The following RERE variants were observed in gnomAD, a reference collection of about 807,000 sequenced individuals.
RERE encodes the protein arginine-glutamic acid dipeptide repeats, also known as arginine-glutamic acid dipeptide repeats protein.
A neutral mutation model predicts 146.1 loss-of-function variants in RERE; 40 were observed. The ratio of observed to expected loss-of-function variants is 0.27; its 90% CI spans 0.21 to 0.36. The LOEUF is 0.36. RERE is among the 10% of genes least tolerant of loss of function. The pLI is 1.00. For synonymous variants in RERE, 1,003 were observed against 866.0 expected (o/e 1.16, Z -2.78); for missense variants, 1,933 against 2,138.7 (o/e 0.90, Z 1.90).
At chr1:8,501,652 C>T (rs1323930527) in intron 8 of RERE, among the ~76,000 whole-genome samples, 4 of 116,126 alleles carry the variant, frequency 3.4e-5, no homozygotes, top group Non-Finnish European at 3.7e-5. Context: ...CCGCCCAGTC[C>T]GGGAGGGAGG....
intron 4 of RERE, among the ~76,000 whole-genome samples, chr1:8,607,158 C>T (rs1166268532): frequency 1.3e-5 from 2 of 151,946 alleles, no homozygotes; most frequent in African/African-American, 2.4e-5. Context: ...CCCAAGAGTT[C>T]GAGACCAGCC....
chr1:8,676,603 G>A (rs1280164254), intron 1 of RERE, among the ~76,000 whole-genome samples: 1 of 152,144 alleles, frequency 6.6e-6, no homozygotes, highest in Non-Finnish European at 1.5e-5. Flanking sequence ...GACTCTTAAT[G>A]CCTAAAACCA....
chr1:8,610,657 T>C (rs115215930), intron 4 of RERE, among the ~76,000 whole-genome samples: 30 of 152,164 alleles, frequency 2.0e-4, no homozygotes, highest in Non-Finnish European at 3.4e-4. Context: ...TACAGGATAA[T>C]AGACAATGCT....
chr1:8,482,700 A>T (rs1644852412), intron 10 of RERE, among the ~76,000 whole-genome samples: 1 of 148,356 alleles, frequency 6.7e-6, no homozygotes, highest in South Asian at 2.1e-4. Flanking sequence ...AAAAAAAAAA[A>T]AAAAAAAGAC....
At chr1:8,706,325 AT>A (rs972435514) in intron 1 of RERE, among the ~76,000 whole-genome samples, 3 of 152,066 alleles carry the variant, frequency 2.0e-5, no homozygotes, top group Non-Finnish European at 2.9e-5. Flanking sequence ...AAAAAGGAGG[AT>A]TTTTATCCCC....
At chr1:8,420,041 G>C (rs1332084105) in intron 12 of RERE, among the ~76,000 whole-genome samples, 1 of 152,208 alleles carries the variant, frequency 6.6e-6, no homozygotes, top group Non-Finnish European at 1.5e-5. Context: ...GTAAGGCCAA[G>C]AATAGAACAC....
At chr1:8,406,763 G>A (rs947686097) in intron 12 of RERE, among the ~76,000 whole-genome samples, 13 of 151,820 alleles carry the variant, frequency 8.6e-5, no homozygotes, top group East Asian at 1.9e-4. Context: ...ATTAGAACAC[G>A]TTGAGAATTT....
chr1:8,646,804 C>G, intron 2 of RERE, among the ~76,000 whole-genome samples: 1 of 152,164 alleles, frequency 6.6e-6, no homozygotes, highest in Non-Finnish European at 1.5e-5. Context: ...AGGCTTGAAA[C>G]AGATCCTTCC....
chr1:8,450,523 A>G (rs1644378155), intron 11 of RERE, among the ~76,000 whole-genome samples: 1 of 152,080 alleles, frequency 6.6e-6, no homozygotes, highest in Non-Finnish European at 1.5e-5. Flanking sequence ...CACCTTAGCA[A>G]ATCCCAACTG....
intron 11 of RERE, among the ~76,000 whole-genome samples, chr1:8,456,588 A>T (rs1217459656): frequency 6.6e-6 from 1 of 152,166 alleles, no homozygotes; most frequent in Non-Finnish European, 1.5e-5. Flanking sequence ...AGCCCTCAAG[A>T]ATTCCTCATT....
intron 4 of RERE, among the ~76,000 whole-genome samples, chr1:8,613,893 T>C (rs1462545000): frequency 2.6e-5 from 4 of 152,122 alleles, no homozygotes; most frequent in African/African-American, 4.8e-5. Flanking sequence ...AAAAGGGAGA[T>C]GTACTAAACG....
At chr1:8,385,993 AATATATATAT>A (rs1553159745) in intron 12 of RERE, among the ~76,000 whole-genome samples, 96 of 26,450 alleles carry the variant, frequency 3.6e-3, no homozygotes, top group Non-Finnish European at 5.5e-3. Flanking sequence ...AAAAAAAAAA[AATATATATAT>A]ATATATATAT....
At position 8,359,794 on chromosome 1, in the gene RERE, T is replaced by TCGCTCCCGCTCC. The variant is rs201570536; in HGVS notation, c.3576_3587dup (p.Arg1198_Glu1201dup). 140 of 1,601,498 alleles carry TCGCTCCCGCTCC rather than the reference T, an allele frequency of 8.7e-5. No homozygotes were observed. Among genetic ancestry groups the TCGCTCCCGCTCC allele is most frequent in the South Asian group, 2.7e-4 (25 of 90,938 alleles). On this transcript the variant is annotated inframe_insertion, in exon 19 of 23. Coordinates refer to ENST00000400908, the MANE Select transcript of RERE (RefSeq NM_001042681.2). ...CCCGCTCTGCCTCGCGCTCCCGCTC[T>TCGCTCCCGCTCC]CGCTCCCGCTCCCGCTCCTTCTCCT... is the stretch of plus-strand genomic sequence containing the variant.
At chr1:8,716,634 A>C (rs2124467279) in intron 1 of RERE, among the ~76,000 whole-genome samples, 1 of 152,192 alleles carries the variant, frequency 6.6e-6, no homozygotes, top group Middle Eastern at 3.4e-3. Flanking sequence ...TAAACAGTAC[A>C]CCACCACTTG....
At chr1:8,730,792 G>C (rs972403182) in intron 1 of RERE, among the ~76,000 whole-genome samples, 19 of 152,192 alleles carry the variant, frequency 1.2e-4, no homozygotes, top group African/African-American at 4.3e-4. Context: ...TTTCCCCTTT[G>C]TACTTTATCT....
intron 4 of RERE, among the ~76,000 whole-genome samples, chr1:8,591,062 T>C (rs1312531151): frequency 6.6e-6 from 1 of 152,190 alleles, no homozygotes; most frequent in Non-Finnish European, 1.5e-5. Context: ...GTGTGTTCAC[T>C]ATAAAGAGGA....
At chr1:8,593,455 G>A (rs1646518578) in intron 4 of RERE, among the ~76,000 whole-genome samples, 1 of 152,180 alleles carries the variant, frequency 6.6e-6, no homozygotes, top group Admixed American at 6.5e-5. Context: ...CCCTGCACAC[G>A]TTCTCTTGCC....
In RERE at chr1:8,561,509, C is replaced by T. The variant is rs866760286; in HGVS notation, c.523-3986G>A. Among the ~76,000 whole-genome samples the T allele has an allele frequency of 2.6e-5, 4 of 152,254 alleles. No homozygotes were observed. The East Asian group carries it at 7.7e-4, about 29-fold the overall frequency. ...TGCAACCTGAGTGGAGTCCCCCAACCCTATGAAAAGTGAAGGGGTGGAACA... is the reference window on the plus strand; with the variant it reads ...TGCAACCTGAGTGGAGTCCCCCAACTCTATGAAAAGTGAAGGGGTGGAACA... On this transcript the variant is annotated intron_variant, in intron 4 of 22. Transcript: ENST00000400908.
At chr1:8,369,277 G>GA (rs1641933134) in intron 12 of RERE, among the ~76,000 whole-genome samples, 3 of 152,050 alleles carry the variant, frequency 2.0e-5, no homozygotes, top group South Asian at 2.1e-4. Context: ...ATGCCAGACA[G>GA]AAAAAAGGCT....
Sources: gnomAD v4.1 joint callset for allele counts (sites outside exome capture counted in the v4.1 genomes callset) on GRCh38, gnomAD v4.1.1 for gene constraint, MANE v1.5 for transcripts, NCBI Gene and HGNC (gene_info 2026-07-23, HGNC 2026-07-21) for gene names.